Variants in RBMS3 observed in about 807,000 individuals in gnomAD.
The protein encoded by RBMS3 is RNA binding motif single stranded interacting protein 3, also known as RNA-binding motif, single-stranded-interacting protein 3.
RBMS3 carries 27 observed loss-of-function variants against 66.8 expected under a neutral mutation model. The ratio of observed to expected loss-of-function variants is 0.40; its 90% CI spans 0.30 to 0.56. The LOEUF (loss-of-function observed/expected upper bound fraction) is 0.56. Ranked by LOEUF, RBMS3 falls within the 20% of genes least tolerant of loss-of-function variation. The pLI, the probability that RBMS3 is intolerant of heterozygous loss-of-function variation, is 0.40. For missense variants in RBMS3, 513 were observed against 549.5 expected (o/e 0.93, Z 0.66); for synonymous variants, 188 against 183.0 (o/e 1.03, Z -0.22).
At chr3:29,530,528 T>C (rs1289700666) in intron 3 of RBMS3, among the ~76,000 whole-genome samples, 1 of 151,958 alleles carries the variant, frequency 6.6e-6, no homozygotes, top group Non-Finnish European at 1.5e-5. Flanking sequence ...GATAAAGAGA[T>C]GGACTTGGCT....
At chr3:29,544,864 A>G (rs2045892337) in intron 3 of RBMS3, among the ~76,000 whole-genome samples, 1 of 152,142 alleles carries the variant, frequency 6.6e-6, no homozygotes, top group East Asian at 1.9e-4. Context: ...CCATGGCTAT[A>G]TTTTGCCAAC....
At chr3:29,696,475 G>A (rs868489528) in intron 4 of RBMS3, among the ~76,000 whole-genome samples, 31 of 152,110 alleles carry the variant, frequency 2.0e-4, no homozygotes, top group African/African-American at 7.0e-4. Context: ...TTAATCATTT[G>A]TTGATGAAAG....
intron 6 of RBMS3, among the ~76,000 whole-genome samples, chr3:29,778,029 G>A (rs555779895): frequency 6.6e-6 from 1 of 151,888 alleles, no homozygotes; most frequent in Admixed American, 6.6e-5. Context: ...TTTATCAATA[G>A]CACTGATATC....
intron 3 of RBMS3, among the ~76,000 whole-genome samples, chr3:29,504,357 A>G (rs1320700171): frequency 1.3e-5 from 2 of 152,142 alleles, no homozygotes; most frequent in African/African-American, 2.4e-5. Flanking sequence ...AACCCAAATA[A>G]AGTGGAAATT....
intron 4 of RBMS3, among the ~76,000 whole-genome samples, chr3:29,685,312 C>T (rs1252169446): frequency 1.3e-5 from 2 of 152,130 alleles, no homozygotes; most frequent in Non-Finnish European, 2.9e-5. Context: ...CCGCCCGCCT[C>T]GACCTCCCAA....
At chr3:29,636,483 C>G (rs566159980) in intron 4 of RBMS3, among the ~76,000 whole-genome samples, 1 of 151,750 alleles carries the variant, frequency 6.6e-6, no homozygotes, top group African/African-American at 2.4e-5. Context: ...CAGGTATGTG[C>G]GAGGGGAGGG....
At chr3:29,388,833 G>A (rs2039139731) in intron 1 of RBMS3, among the ~76,000 whole-genome samples, 1 of 152,104 alleles carries the variant, frequency 6.6e-6, no homozygotes, top group Admixed American at 6.5e-5. Context: ...CAAAGTGCTG[G>A]GATTACAGGC....
At chr3:29,873,755 T>C (rs1192787429) in intron 7 of RBMS3, among the ~76,000 whole-genome samples, 1 of 152,200 alleles carries the variant, frequency 6.6e-6, no homozygotes, top group Non-Finnish European at 1.5e-5. Flanking sequence ...TTTTGAGCTA[T>C]GTTCCTTCAA....
Position 30,009,913 on chromosome 3 carries a change from T to C in RBMS3, c.*6051T>C, listed in dbSNP as rs1018895932. 5 of 152,000 alleles carry C rather than the reference T, an allele frequency of 3.3e-5. No individual in the cohort carries two copies. The highest frequency in any genetic ancestry group is 7.3e-5 in the African/African-American group (3 of 41,356). The allele number at this position is 152,000 out of a possible 1,614,324, so 9.4% of individuals were successfully genotyped here. On this transcript the variant is annotated 3_prime_UTR_variant, in exon 15 of 15. Coordinates refer to ENST00000383767, the MANE Select transcript of RBMS3 (RefSeq NM_001003793.3). ...ATAAAAAAATAAGTTATTCCATGCT[T>C]TTCAGGAACTGTAAAAATTATTTCA...
At chr3:29,302,935 G>A (rs2033778109) in intron 1 of RBMS3, among the ~76,000 whole-genome samples, 1 of 151,974 alleles carries the variant, frequency 6.6e-6, no homozygotes, top group Admixed American at 6.6e-5. Context: ...TTTATGTTGT[G>A]TATCGACAAA....
intron 4 of RBMS3, among the ~76,000 whole-genome samples, chr3:29,625,547 A>T (rs966120162): frequency 1.3e-5 from 2 of 151,624 alleles, no homozygotes; most frequent in Non-Finnish European, 2.9e-5. Context: ...TACAAAACTA[A>T]CTGGGCTGGG....
At chr3:29,283,004 G>A (rs1280867656) in intron 1 of RBMS3, among the ~76,000 whole-genome samples, 1 of 152,106 alleles carries the variant, frequency 6.6e-6, no homozygotes, top group Non-Finnish European at 1.5e-5. Context: ...GCCTTTGTGA[G>A]CATTTAGTTT....
intron 4 of RBMS3, among the ~76,000 whole-genome samples, chr3:29,589,164 A>T (rs1243985925): frequency 1.3e-5 from 2 of 152,146 alleles, no homozygotes; most frequent in African/African-American, 4.8e-5. Flanking sequence ...CATTATGAAT[A>T]TTTTCCCTCA....
At chr3:29,863,674 A>G (rs1446286549) in intron 6 of RBMS3, among the ~76,000 whole-genome samples, 1 of 152,168 alleles carries the variant, frequency 6.6e-6, no homozygotes, top group African/African-American at 2.4e-5. Context: ...GTTGAAAGCT[A>G]AGAAAATCTC....
intron 8 of RBMS3, among the ~76,000 whole-genome samples, chr3:29,890,875 T>A (rs544900746): frequency 5.9e-5 from 9 of 151,692 alleles, no homozygotes; most frequent in African/African-American, 2.2e-4. Context: ...TTATTTATTT[T>A]TTTTTCAAAA....
At chr3:29,661,509 C>G (rs1195014088) in intron 4 of RBMS3, among the ~76,000 whole-genome samples, 1 of 152,056 alleles carries the variant, frequency 6.6e-6, no homozygotes, top group Non-Finnish European at 1.5e-5. Context: ...CTTAGGATTC[C>G]TGCTAGATTA....
At chr3:29,508,961 C>CAAA (rs1170890660) in intron 3 of RBMS3, among the ~76,000 whole-genome samples, 3 of 151,544 alleles carry the variant, frequency 2.0e-5, no homozygotes, top group African/African-American at 7.3e-5. Flanking sequence ...TGATGATGAG[C>CAAA]TTTTCTTCAT....
intron 4 of RBMS3, among the ~76,000 whole-genome samples, chr3:29,621,908 C>G (rs934017589): frequency 2.0e-5 from 3 of 152,174 alleles, no homozygotes; most frequent in African/African-American, 7.2e-5. Context: ...CTAATCTAGT[C>G]TTCGCTTTTG....
At chr3:29,853,564 C>G (rs13097387) in intron 6 of RBMS3, among the ~76,000 whole-genome samples, 1 of 151,778 alleles carries the variant, frequency 6.6e-6, no homozygotes, top group Non-Finnish European at 1.5e-5. Context: ...TGTCCCTCCC[C>G]CTGTGCTCTC....
Sources: allele counts gnomAD v4.1 joint callset (sites outside exome capture counted in the v4.1 genomes callset), GRCh38; gene constraint gnomAD v4.1.1; transcripts MANE v1.5; gene names NCBI Gene and HGNC (gene_info 2026-07-23, HGNC 2026-07-21).